CHIC2: variants seen among roughly 807,000 people sequenced by gnomAD.
CHIC2 encodes the protein cysteine rich hydrophobic domain 2, also known as cysteine-rich hydrophobic domain-containing protein 2.
Under a neutral mutation model 25.9 loss-of-function variants are expected in CHIC2, and 14 were observed. That is an observed-to-expected ratio of 0.54 (90% confidence interval 0.36 to 0.85). The LOEUF is 0.85. Ranked by LOEUF, CHIC2 falls within the 40% of genes least tolerant of loss-of-function variation. CHIC2 has a pLI of 0.01. For synonymous variants in CHIC2, 70 were observed against 72.0 expected (o/e 0.97, Z 0.14); for missense variants, 146 against 202.0 (o/e 0.72, Z 1.68).
chr4:54,016,407 A>G (rs568678440), intron 3 of CHIC2, among the ~76,000 whole-genome samples: 1 of 152,308 alleles, frequency 6.6e-6, no homozygotes, highest in African/African-American at 2.4e-5. Flanking sequence ...AGATAATTAC[A>G]AAGTATAAAT....
At chr4:54,084,959 C>CAAGAAAAAAAAAAAAAAAAAAA in the CHIC2 span, among the ~76,000 whole-genome samples, 1 of 58,922 alleles carries the variant, frequency 1.7e-5, no homozygotes, top group Non-Finnish European at 3.2e-5. Context: ...TGCTCTGTCT[C>CAAGAAAAAAAAAAAAAAAAAAA]AAAAAAAAAA....
chr4:54,062,282 C>G (rs1030800574), intron 1 of CHIC2, among the ~76,000 whole-genome samples: 2 of 152,110 alleles, frequency 1.3e-5, no homozygotes, highest in South Asian at 2.1e-4. Flanking sequence ...TCCCTATAAC[C>G]TGGAATAGTT....
At chr4:54,076,808 A>C in the CHIC2 span, 2 of 152,250 alleles carry the variant, frequency 1.3e-5, no homozygotes, top group African/African-American at 4.8e-5. Flanking sequence ...AAAGATTTTG[A>C]GGAGGTGAAG....
At chr4:54,019,217 C>T (rs941925413) in intron 3 of CHIC2, among the ~76,000 whole-genome samples, 4 of 150,378 alleles carry the variant, frequency 2.7e-5, no homozygotes, top group Admixed American at 6.7e-5. Flanking sequence ...TATTATGCTA[C>T]GTGAAAAGCC....
At chr4:54,077,264 C>A in the CHIC2 span, among the ~76,000 whole-genome samples, 1 of 152,204 alleles carries the variant, frequency 6.6e-6, no homozygotes, top group East Asian at 1.9e-4. Flanking sequence ...AGAATGAAGA[C>A]AATATTCCTT....
At chr4:54,072,802 G>T in the CHIC2 span, among the ~76,000 whole-genome samples, 944 of 152,304 alleles carry the variant, frequency 6.2e-3, 16 homozygotes, top group African/African-American at 0.021. Context: ...TCTGGGCGTG[G>T]TGGCTCATGC....
rs139712847 is a variant in CHIC2 at position 54,050,050 on chromosome 4, T to A, written c.120-745A>T. 2.2e-4 allele frequency among the ~76,000 whole-genome samples: 33 copies of A among 152,208 alleles called. No homozygotes were observed. The East Asian group carries it at 6.2e-3, about 28-fold the overall frequency. ...TAAAAGACATAATAAAAACAACCTA[T>A]CTTGCTTTTATCTATCAGAAGTCTA... On this transcript the variant is annotated intron_variant, in intron 1 of 5. Coordinates refer to ENST00000263921, the MANE Select transcript of CHIC2 (RefSeq NM_012110.4).
At chr4:54,070,576 G>A in the CHIC2 span, among the ~76,000 whole-genome samples, 3 of 152,112 alleles carry the variant, frequency 2.0e-5, no homozygotes, top group South Asian at 6.2e-4. Flanking sequence ...GCATGCACCA[G>A]CACGCCTGGC....
chr4:54,080,755 CAAAAA>C, the CHIC2 span, among the ~76,000 whole-genome samples: 1 of 90,376 alleles, frequency 1.1e-5, no homozygotes, highest in Non-Finnish European at 2.3e-5. Flanking sequence ...GACTCTGTCT[CAAAAA>C]AAAAAAAAAA....
Position 54,053,754 on chromosome 4 carries a change from A to G in CHIC2, c.120-4449T>C, listed in dbSNP as rs1577985184. On this transcript the variant is annotated intron_variant, in intron 1 of 5. Coordinates refer to ENST00000263921, the MANE Select transcript of CHIC2 (RefSeq NM_012110.4). Reference sequence around the variant, plus strand: ...TTTTTAAATAAGAGCTATTTTTCAGAAATGTATAGTTCCTGCTAACTAAAT... The same window carrying G: ...TTTTTAAATAAGAGCTATTTTTCAGGAATGTATAGTTCCTGCTAACTAAAT... 2.6e-5 allele frequency among the ~76,000 whole-genome samples: 4 copies of G among 152,046 alleles called. No individual in the cohort carries two copies. In the East Asian group the frequency reaches 7.7e-4, roughly 29 times the overall value.
chr4:54,054,204 T>C (rs1432149004), intron 1 of CHIC2, among the ~76,000 whole-genome samples: 1 of 152,248 alleles, frequency 6.6e-6, no homozygotes, highest in Non-Finnish European at 1.5e-5. Flanking sequence ...GGTTCACTAA[T>C]CAATAGTTTT....
At chr4:54,053,973 T>C (rs1394162956) in intron 1 of CHIC2, among the ~76,000 whole-genome samples, 4 of 152,076 alleles carry the variant, frequency 2.6e-5, no homozygotes, top group African/African-American at 4.8e-5. Context: ...GTATTTTTAG[T>C]AGAGACGGGG....
chr4:54,054,493 AT>A (rs1272977664), intron 1 of CHIC2, among the ~76,000 whole-genome samples: 1 of 152,344 alleles, frequency 6.6e-6, no homozygotes, highest in Non-Finnish European at 1.5e-5. Context: ...TTACAGTGAT[AT>A]TTTTAACAGT....
intron 5 of CHIC2, among the ~76,000 whole-genome samples, chr4:54,013,062 C>A (rs1715639381): frequency 6.6e-6 from 1 of 152,042 alleles, no homozygotes; most frequent in Non-Finnish European, 1.5e-5. Context: ...TTATTTTCAA[C>A]TATTAACTTT....
chr4:54,013,904 A>G lies in CHIC2; in HGVS notation c.388-8T>C. On this transcript the variant is annotated splice_polypyrimidine_tract_variant and splice_region_variant and intron_variant, in intron 4 of 5. Transcript: ENST00000263921. ...TCTCCAATGCAAGCACAGCTAGACA[A>G]GTAGGAAAGTAAAAGAAGAAAAATG... 1 of 1,613,170 alleles carries G rather than the reference A, an allele frequency of 6.2e-7. No homozygotes were observed. The highest frequency in any genetic ancestry group is 8.5e-7 in the Non-Finnish European group (1 of 1,179,390).
chr4:54,012,630 T>C (rs1225944755), intron 5 of CHIC2, among the ~76,000 whole-genome samples: 1 of 152,040 alleles, frequency 6.6e-6, no homozygotes, highest in Non-Finnish European at 1.5e-5. Flanking sequence ...CCAAAATATA[T>C]ACATAAACCC....
chr4:54,056,440 G>A (rs1026225424), intron 1 of CHIC2, among the ~76,000 whole-genome samples: 2 of 151,976 alleles, frequency 1.3e-5, no homozygotes, highest in African/African-American at 4.8e-5. Context: ...TTACAATATA[G>A]ACTAACAAAA....
intron 3 of CHIC2, among the ~76,000 whole-genome samples, chr4:54,041,230 A>T (rs1443568886): frequency 6.6e-6 from 1 of 151,838 alleles, no homozygotes; most frequent in Non-Finnish European, 1.5e-5. Context: ...AAAAGCACTG[A>T]GCTGCATATC....
chr4:54,089,260 T>G, the CHIC2 span, among the ~76,000 whole-genome samples: 1 of 152,164 alleles, frequency 6.6e-6, no homozygotes, highest in Admixed American at 6.6e-5. Flanking sequence ...TTTTGATTTT[T>G]TTTCCTTGGG....
Sources: gnomAD v4.1 joint callset for allele counts (sites outside exome capture counted in the v4.1 genomes callset) on GRCh38, gnomAD v4.1.1 for gene constraint, MANE v1.5 for transcripts, NCBI Gene and HGNC (gene_info 2026-07-23, HGNC 2026-07-21) for gene names.